The following GRIK4 variants were observed in gnomAD, a reference collection of about 807,000 sequenced individuals.
The protein encoded by GRIK4 is glutamate receptor ionotropic, kainate 4.
GRIK4 carries 40 observed loss-of-function variants against 104.9 expected under a neutral mutation model. The ratio of observed to expected loss-of-function variants is 0.38; its 90% CI spans 0.30 to 0.50. The LOEUF (loss-of-function observed/expected upper bound fraction) is 0.50, where lower values mean the gene tolerates loss of function less well. Among genes scored for constraint, GRIK4 ranks in the 20% least tolerant of loss-of-function variants. The pLI, the probability that GRIK4 is intolerant of heterozygous loss-of-function variation, is 0.93. For synonymous variants in GRIK4, 485 were observed against 524.9 expected, an observed-to-expected ratio of 0.92 and a Z score of 1.04; for missense variants, 1,047 against 1,308.1, an observed-to-expected ratio of 0.80 and a Z score of 3.08.
At chr11:120,653,664 T>G (rs1949652940) in intron 1 of GRIK4, 21 bp from the exon 2 acceptor site, 1 of 152,218 alleles carries the variant, frequency 6.6e-6, no homozygotes, top group South Asian at 2.1e-4. Context: ...GTTCTCTGAT[T>G]GGACTCTTTT....
At chr11:120,764,827 T>G (rs942717289) in intron 3 of GRIK4, among the ~76,000 whole-genome samples, 2 of 152,242 alleles carry the variant, frequency 1.3e-5, no homozygotes, top group African/African-American at 4.8e-5. Flanking sequence ...AGAGATCTGC[T>G]GTTAGTCTGA....
intron 1 of GRIK4, among the ~76,000 whole-genome samples, chr11:120,598,023 G>T (rs574825999): frequency 1.2e-4 from 18 of 152,278 alleles, no homozygotes; most frequent in Admixed American, 3.3e-4. Flanking sequence ...AAAACTAAGT[G>T]CCTCAGCGAC....
chr11:120,541,477 G>A (rs917990031), intron 1 of GRIK4, among the ~76,000 whole-genome samples: 11 of 152,160 alleles, frequency 7.2e-5, no homozygotes, highest in African/African-American at 2.6e-4. Context: ...GCCATAACAG[G>A]TAGGTGTCAG....
At position 120,831,939 on chromosome 11, in the gene GRIK4, C is replaced by A. The variant is rs1376482031; in HGVS notation, c.599C>A (p.Pro200His). 1 of 1,613,934 alleles carries A rather than the reference C, an allele frequency of 6.2e-7. No individual in the cohort carries two copies. Among genetic ancestry groups the A allele is most frequent in the East Asian group, 2.2e-5 (1 of 44,858 alleles). ...SVRMLDDTRDPTPLLKEIRDD... is the reference protein window; with the variant it reads ...SVRMLDDTRDHTPLLKEIRDD... ...CGCATGCTGGATGACACCCGGGACC[C>A]CACCCCGCTCCTCAAGGAGATCCGG... Residue 200 changes from proline to histidine, a missense_variant, in exon 7 of 21, where the codon CCC becomes CAC. Around this residue, in one of 3 missense-constraint regions of GRIK4, gnomAD observed 447 missense variants for 514.9 expected, o/e 0.87. Transcript: ENST00000527524.
chr11:120,861,542 A>G (rs1274650749), intron 8 of GRIK4, among the ~76,000 whole-genome samples: 1 of 152,128 alleles, frequency 6.6e-6, no homozygotes, highest in Non-Finnish European at 1.5e-5. Flanking sequence ...GCTCTGCCCT[A>G]TACATGGGGA....
In GRIK4 at chr11:120,819,662, C is replaced by A. The variant is rs1953057121; in HGVS notation, c.346-93C>A. 19 of 1,210,564 alleles carry A rather than the reference C, an allele frequency of 1.6e-5. No homozygotes were observed. Among genetic ancestry groups the A allele is most frequent in the Non-Finnish European group, 2.3e-5 (19 of 827,222 alleles). The allele number at this position is 1,210,564 out of a possible 1,614,324, so 75.0% of individuals were successfully genotyped here. A position where few individuals can be genotyped will look rare whatever the true frequency, so the allele number is the denominator to read the frequency against. The stretch of plus-strand genomic sequence containing the variant: ...CTGGCGAAGGTGTTACATAAAAGAA[C>A]TCACCCTCCACAACCTCAGCTCACT... On this transcript the variant is annotated intron_variant, in intron 5 of 20. Coordinates refer to ENST00000527524, the MANE Select transcript of GRIK4 (RefSeq NM_014619.5). This position sits in a 1 kb window ranked among gnomAD's most constrained non-coding sequence, Gnocchi z 4.3.
At chr11:120,892,005 C>T (rs1385457829) in intron 11 of GRIK4, among the ~76,000 whole-genome samples, 1 of 152,058 alleles carries the variant, frequency 6.6e-6, no homozygotes, top group Non-Finnish European at 1.5e-5. Context: ...GGCTACGTTC[C>T]AATAAAACTT....
intron 1 of GRIK4, among the ~76,000 whole-genome samples, chr11:120,571,603 T>A (rs1323159935): frequency 6.6e-6 from 1 of 152,052 alleles, no homozygotes; most frequent in Non-Finnish European, 1.5e-5. Context: ...TTCTAACTCC[T>A]CCTCCTGTGG....
At chr11:120,961,665 C>T (rs907152370) in intron 17 of GRIK4, among the ~76,000 whole-genome samples, 4 of 152,184 alleles carry the variant, frequency 2.6e-5, no homozygotes, top group African/African-American at 4.8e-5. Flanking sequence ...GCGATGTGTT[C>T]GCTGTCAAGC....
chr11:120,867,600 C>T (rs1410003586), intron 9 of GRIK4, among the ~76,000 whole-genome samples: 12 of 152,150 alleles, frequency 7.9e-5, no homozygotes, highest in East Asian at 7.8e-4. Context: ...CCTCACCTTC[C>T]GGGTCGGGCC....
chr11:120,668,401 AAAAGAAAACAAAAAGG>A (rs551486235), intron 3 of GRIK4, among the ~76,000 whole-genome samples: 55 of 152,130 alleles, frequency 3.6e-4, no homozygotes, highest in Non-Finnish European at 7.8e-4. Context: ...GAAGAAAAAG[AAAAGAAAACAAAAAGG>A]AAAGAAAAGA....
intron 1 of GRIK4, among the ~76,000 whole-genome samples, chr11:120,596,489 G>A (rs1188879662): frequency 6.6e-6 from 1 of 152,160 alleles, no homozygotes; most frequent in African/African-American, 2.4e-5. Context: ...ACAGAGTGGG[G>A]TTCAAGCCAG....
intron 1 of GRIK4, among the ~76,000 whole-genome samples, chr11:120,534,567 C>G (rs1176354347): frequency 3.3e-5 from 5 of 152,050 alleles, no homozygotes; most frequent in Admixed American, 2.0e-4. Flanking sequence ...GGTAGCACAG[C>G]CAGGAGAGAG....
chr11:120,679,881 G>A (rs933329960), intron 3 of GRIK4, among the ~76,000 whole-genome samples: 5 of 152,234 alleles, frequency 3.3e-5, no homozygotes, highest in South Asian at 2.1e-4. Flanking sequence ...TATCCCTACC[G>A]TAAACACTCA....
chr11:120,908,438 T>TACAC (rs1169027238), intron 13 of GRIK4, among the ~76,000 whole-genome samples: 19 of 34,106 alleles, frequency 5.6e-4, no homozygotes, highest in Admixed American at 9.8e-4. Context: ...CACACACACA[T>TACAC]ACACACACAC....
At chr11:120,921,099 T>C (rs1943219115) in intron 13 of GRIK4, among the ~76,000 whole-genome samples, 1 of 152,240 alleles carries the variant, frequency 6.6e-6, no homozygotes, top group Non-Finnish European at 1.5e-5. Flanking sequence ...ACGTGTTCTT[T>C]CTCTGCCACC....
At chr11:120,739,755 G>C (rs147957760) in intron 3 of GRIK4, among the ~76,000 whole-genome samples, 1 of 152,314 alleles carries the variant, frequency 6.6e-6, no homozygotes, top group African/African-American at 2.4e-5. Flanking sequence ...CTGTCCTCAG[G>C]TGACGATGCT....
Position 120,960,988 on chromosome 11 carries a change from C to A in GRIK4, c.1954C>A (p.Pro652Thr). 3 of 1,613,954 alleles carry A rather than the reference C, an allele frequency of 1.9e-6. No individual in the cohort carries two copies. Among genetic ancestry groups the A allele is most frequent in the Non-Finnish European group, 2.5e-6 (3 of 1,179,792 alleles). ...CCTGACCGTGCAGCGCATGGATGTG[C>A]CCATTGAGTCAGTGGATGACCTGGC... ...AFLTVQRMDV[P>T]IESVDDLADQ... The change falls in exon 17 of 21, where the codon CCC becomes ACC. Residue 652 changes from proline to threonine, a missense_variant. Physicochemically the swap from Pro to Thr is conservative, Grantham distance 38. This residue lies in a region of GRIK4 where 440 missense variants were observed against 652.3 expected (regional missense o/e 0.67). Transcript: ENST00000527524.
At chr11:120,595,481 G>A (rs1388103176) in intron 1 of GRIK4, among the ~76,000 whole-genome samples, 3 of 152,192 alleles carry the variant, frequency 2.0e-5, no homozygotes, top group Non-Finnish European at 4.4e-5. Context: ...AAGGTGCATG[G>A]CAGAGGGAAG....
Sources: allele counts gnomAD v4.1 joint callset (sites outside exome capture counted in the v4.1 genomes callset), GRCh38; gene constraint gnomAD v4.1.1; regional missense constraint gnomAD v4.1.1; non-coding constraint Gnocchi (gnomAD v3.1); transcripts MANE v1.5; gene names NCBI Gene and HGNC (gene_info 2026-07-23, HGNC 2026-07-21).